MBTD1: variants seen among roughly 807,000 people sequenced by gnomAD.
MBTD1 encodes MBT domain-containing protein 1.
Under a neutral mutation model 87.8 loss-of-function variants are expected in MBTD1, and 24 were observed. The ratio of observed to expected loss-of-function variants is 0.27; its 90% confidence interval spans 0.20 to 0.38. The LOEUF is 0.38. Among genes scored for constraint, MBTD1 ranks in the 10% least tolerant of loss-of-function variants. The pLI is 1.00. For synonymous variants in MBTD1, 237 were observed against 248.6 expected, an observed-to-expected ratio of 0.95 and a Z score of 0.44; for missense variants, 436 against 760.2, an observed-to-expected ratio of 0.57 and a Z score of 5.02.
In MBTD1 at chr17:51,259,195, T is replaced by C. The variant is rs1228195009; in HGVS notation, c.-101A>G. 1.7e-6 allele frequency: 2 copies of C among 1,168,568 alleles called. No homozygotes were observed. Among genetic ancestry groups the C allele is most frequent in the East Asian group, 3.2e-5 (1 of 31,424 alleles). 72.4% of individuals were successfully genotyped at this position (1,168,568 alleles called of 1,614,324 possible). On this transcript the variant is annotated 5_prime_UTR_variant, in exon 2 of 17. Transcript: ENST00000586178. ...CGGCTGCTTTGGATGACCTCTAATGTCTCTTCCGACTCTGAAATGTTAGGA... is the reference window on the plus strand; with the variant it reads ...CGGCTGCTTTGGATGACCTCTAATGCCTCTTCCGACTCTGAAATGTTAGGA...
intron 16 of MBTD1, chr17:51,185,869 T>C (rs1438198015): frequency 6.6e-6 from 1 of 152,500 alleles, no homozygotes; most frequent in Non-Finnish European, 1.5e-5. Context: ...GTGAAGTGAC[T>C]ACTAAGCACT....
upstream of MBTD1, chr17:51,260,892 A>G: frequency 6.3e-7 from 1 of 1,598,430 alleles, no homozygotes; most frequent in Non-Finnish European, 8.5e-7. Context: ...GAGAACGACG[A>G]GGACGCGTTG....
chr17:51,192,524 TA>T, intron 15 of MBTD1: 1 of 681,714 alleles, frequency 1.5e-6, no homozygotes, highest in Non-Finnish European at 2.4e-6. Flanking sequence ...TTTAACTCAC[TA>T]AAATAGTAAG....
chr17:51,212,111 G>A (rs1416127044), intron 6 of MBTD1, among the ~76,000 whole-genome samples: 1 of 152,144 alleles, frequency 6.6e-6, no homozygotes, highest in Non-Finnish European at 1.5e-5. Context: ...TGTAATCCCA[G>A]CACTTTGGGA....
In MBTD1 at chr17:51,179,714, T is replaced by G. The variant is rs2050239003; in HGVS notation, c.*862A>C. On this transcript the variant is annotated 3_prime_UTR_variant, in exon 17 of 17. Transcript: ENST00000586178. ...TGGTTGTGGTTATACGAAGCTGTTA[T>G]TTCACAGATAGAGGGAAATGGCAGA... 1 of 151,508 alleles carries G rather than the reference T, an allele frequency of 6.6e-6. No individual in the cohort carries two copies. The highest frequency in any genetic ancestry group is 2.1e-4 in the South Asian group (1 of 4,816). 9.4% of individuals were successfully genotyped at this position (151,508 alleles called of 1,614,324 possible). A position where few individuals can be genotyped will look rare whatever the true frequency, so the allele number is the denominator to read the frequency against.
chr17:51,230,444 C>CAA (rs10642030), intron 2 of MBTD1, among the ~76,000 whole-genome samples: 17,881 of 151,988 alleles, frequency 0.12, 1,751 homozygotes, highest in African/African-American at 0.27. Flanking sequence ...GAAAAGCATG[C>CAA]AAAGCAGACA....
chr17:51,250,571 T>C (rs1042055073), intron 2 of MBTD1: 1 of 152,234 alleles, frequency 6.6e-6, no homozygotes, highest in African/African-American at 2.4e-5. Context: ...CTTTGTTATG[T>C]TGCTTTTGAG....
chr17:51,247,441 CTTT>C (rs58720477), intron 2 of MBTD1, among the ~76,000 whole-genome samples: 4 of 132,044 alleles, frequency 3.0e-5, no homozygotes, highest in South Asian at 2.3e-4. Flanking sequence ...ATCAGTATTA[CTTT>C]TTTTTTTTTT....
intron 2 of MBTD1, among the ~76,000 whole-genome samples, chr17:51,233,894 T>C (rs73353635): frequency 2.1e-3 from 325 of 152,230 alleles, no homozygotes; most frequent in African/African-American, 7.4e-3. Context: ...CTGATCAATG[T>C]ATTGCCTTCA....
upstream of MBTD1, chr17:51,260,451 G>A (rs912207397): frequency 3.1e-5 from 30 of 955,284 alleles, no homozygotes; most frequent in Non-Finnish European, 4.0e-5. Flanking sequence ...GGGAGGGAGT[G>A]CTGGTCACGT....
At chr17:51,224,905 G>T in intron 3 of MBTD1, 103 bp downstream of exon 3, 1 of 636,722 alleles carries the variant, frequency 1.6e-6, no homozygotes, top group Non-Finnish European at 2.4e-6. Context: ...TCTTCAAACT[G>T]CCCCTTAATA....
At position 51,177,737 on chromosome 17, in the gene MBTD1, A is replaced by C. The variant is rs2050157261; in HGVS notation, c.*2839T>G. On this transcript the variant is annotated 3_prime_UTR_variant, in exon 17 of 17. Coordinates refer to ENST00000586178, the MANE Select transcript of MBTD1 (RefSeq NM_017643.3). ...TAAAAACCTTATGCAGTTTACTTTG[A>C]CCTCTGTCCTCAAAAGATTTGCCCA... 1 of 152,126 alleles carries C rather than the reference A, an allele frequency of 6.6e-6. No homozygotes were observed. Among genetic ancestry groups the C allele is most frequent in the Non-Finnish European group, 1.5e-5 (1 of 68,032 alleles). The allele number at this position is 152,126 out of a possible 1,614,324, so 9.4% of individuals were successfully genotyped here.
chr17:51,186,347 C>T (rs1030327744), intron 16 of MBTD1: 1 of 152,216 alleles, frequency 6.6e-6, no homozygotes, highest in African/African-American at 2.4e-5. Flanking sequence ...GTTTGTATTT[C>T]TGAAAAGAAG....
At chr17:51,193,391 T>G (rs757533654) in intron 14 of MBTD1, 37 bp downstream of exon 14, 7 of 1,392,832 alleles carry the variant, frequency 5.0e-6, no homozygotes, top group East Asian at 4.6e-5. Flanking sequence ...GGGGCATTAA[T>G]AAGTCCTCAC....
At chr17:51,260,631 G>GAGCGAAGCCGA, upstream of MBTD1, 4 of 1,612,664 alleles carry the variant, frequency 2.5e-6, no homozygotes, top group Non-Finnish European at 3.4e-6. Context: ...CGGAGAACCG[G>GAGCGAAGCCGA]AGCGAAGCCG....
chr17:51,250,835 T>G (rs943972774), intron 2 of MBTD1: 1 of 152,216 alleles, frequency 6.6e-6, no homozygotes, highest in South Asian at 2.1e-4. Flanking sequence ...CCATCTCCCA[T>G]TTCAACTTGG....
Position 51,193,499 on chromosome 17 carries a change from G to A in MBTD1, c.1384C>T (p.Leu462Phe). ...ELTPPRGYTK[L>F]PFKWFDYLRE... ...AGGTAGTCAAACCATTTAAAAGGAA[G>A]TTTTGTGTAACCTAAAAAACACAAC... The change falls in exon 14 of 17, where the codon CTT becomes TTT. Residue 462 changes from leucine (L) to phenylalanine (F), a missense_variant. Transcript: ENST00000586178. 1.2e-6 allele frequency: 2 copies of A among 1,609,324 alleles called. No individual in the cohort carries two copies. The highest frequency in any genetic ancestry group is 1.7e-6 in the Non-Finnish European group (2 of 1,176,924).
intron 16 of MBTD1, among the ~76,000 whole-genome samples, chr17:51,191,411 A>G (rs1808277): frequency 0.12 from 17,817 of 149,622 alleles, 1,752 homozygotes; most frequent in African/African-American, 0.27. Context: ...ACAGGCGTGC[A>G]CCACCACACC....
chr17:51,241,063 C>T (rs1161457855), intron 2 of MBTD1, among the ~76,000 whole-genome samples: 3 of 152,054 alleles, frequency 2.0e-5, no homozygotes, highest in Non-Finnish European at 4.4e-5. Context: ...ACTGCAACCT[C>T]CACCTCTAGG....
Sources: allele counts gnomAD v4.1 joint callset (sites outside exome capture counted in the v4.1 genomes callset), GRCh38; gene constraint gnomAD v4.1.1; transcripts MANE v1.5; gene names NCBI Gene and HGNC (gene_info 2026-07-23, HGNC 2026-07-21).